OR3A2: variants seen among roughly 807,000 people sequenced by gnomAD.
OR3A2 encodes olfactory receptor 3A2.
For missense variants in OR3A2, 318 were observed against 392.8 expected (o/e 0.81, Z 1.61); for synonymous variants, 126 against 159.3 (o/e 0.79, Z 1.57).
chr17:3,320,756 G>C (rs543102098), intron 3 of OR3A2, among the ~76,000 whole-genome samples: 15 of 152,024 alleles, frequency 9.9e-5, no homozygotes, highest in Admixed American at 2.0e-4. Flanking sequence ...TTTGGTACTA[G>C]TACCATGCTG....
chr17:3,329,079 T>A (rs2049204902), intron 3 of OR3A2, among the ~76,000 whole-genome samples: 1 of 151,492 alleles, frequency 6.6e-6, no homozygotes, highest in South Asian at 2.1e-4. Flanking sequence ...TCATGGTGGA[T>A]ATGCTTTTTG....
chr17:3,331,360 C>T (rs1238994066), intron 3 of OR3A2, among the ~76,000 whole-genome samples: 9 of 152,116 alleles, frequency 5.9e-5, no homozygotes, highest in East Asian at 3.9e-4. Flanking sequence ...ACCAATCCGA[C>T]GTAGATTTGG....
At position 3,347,693 on chromosome 17, in the gene OR3A2, C is replaced by T. The variant is rs368214839; in HGVS notation, c.-178-11567G>A. 2.8e-4 allele frequency among the ~76,000 whole-genome samples: 42 copies of T among 152,196 alleles called. 1 individual carries two copies. The East Asian group carries it at 3.7e-3, about 13-fold the overall frequency. ...AAGTCCTTGCTATTGTGAATAATGC[C>T]GCAATAAACATACGTGTGCATGTGT... is the stretch of plus-strand genomic sequence containing the variant. On this transcript the variant is annotated intron_variant, in intron 2 of 4. Transcript: ENST00000573491.
chr17:3,380,824 T>C (rs1453832568), intron 2 of OR3A2, among the ~76,000 whole-genome samples: 2 of 152,162 alleles, frequency 1.3e-5, no homozygotes, highest in Non-Finnish European at 2.9e-5. Flanking sequence ...TTTCCCTGTT[T>C]ACCACTGCCC....
rs537384887 is a variant in OR3A2 at position 3,359,787 on chromosome 17, G to A, written c.-178-23661C>T. Reference sequence around the variant, plus strand: ...ATGGCTGCATAGTATTCCATGGTGTGTATGTGCCACATTTTCTTAATCCAG... The same window carrying A: ...ATGGCTGCATAGTATTCCATGGTGTATATGTGCCACATTTTCTTAATCCAG... On this transcript the variant is annotated intron_variant, in intron 2 of 4. Coordinates refer to the OR3A2 transcript ENST00000573491. 2.5e-3 allele frequency among the ~76,000 whole-genome samples: 380 copies of A among 151,638 alleles called. 16 individuals carry two copies. Among genetic ancestry groups the A allele is most frequent in the African/African-American group, 8.5e-3 (350 of 41,016 alleles).
chr17:3,358,730 G>A (rs2049483457), intron 2 of OR3A2, among the ~76,000 whole-genome samples: 1 of 151,688 alleles, frequency 6.6e-6, no homozygotes. Flanking sequence ...GTGCCATGTG[G>A]CAACAAGAAG....
intron 2 of OR3A2, among the ~76,000 whole-genome samples, chr17:3,342,004 T>C (rs2049323149): frequency 6.6e-6 from 1 of 152,238 alleles, no homozygotes; most frequent in Non-Finnish European, 1.5e-5. Flanking sequence ...CTTGCTTTAT[T>C]TCATTAATTT....
At chr17:3,354,807 A>T (rs2049451189) in intron 2 of OR3A2, among the ~76,000 whole-genome samples, 1 of 151,000 alleles carries the variant, frequency 6.6e-6, no homozygotes, top group African/African-American at 2.4e-5. Flanking sequence ...ATTTTGGGGT[A>T]GGTTTGCTCT....
intron 2 of OR3A2, among the ~76,000 whole-genome samples, chr17:3,365,952 G>A (rs1409857898): frequency 6.6e-6 from 1 of 152,166 alleles, no homozygotes; most frequent in East Asian, 1.9e-4. Flanking sequence ...AAGCCACAGA[G>A]GTTCTTGAGA....
intron 2 of OR3A2, among the ~76,000 whole-genome samples, chr17:3,372,725 GAGGCAGGAGAATC>G (rs2049641416): frequency 6.6e-6 from 1 of 151,936 alleles, no homozygotes; most frequent in South Asian, 2.1e-4. Context: ...TCGGCAGGCT[GAGGCAGGAGAATC>G]AGGCAGGGAG....
downstream of OR3A2, among the ~76,000 whole-genome samples, chr17:3,276,124 AAAG>A (rs756524549): frequency 5.8e-3 from 872 of 150,180 alleles, 7 homozygotes; most frequent in African/African-American, 0.02. Context: ...AAGAAAAAAA[AAAG>A]AATATTCATC....
rs1326706832 is a variant in OR3A2, at chr17:3,327,911, C to T, written c.-85+8122G>A. Among the ~76,000 whole-genome samples, 49 of 126,798 alleles carry T rather than the reference C, an allele frequency of 3.9e-4. 1 individual carries two copies. The highest frequency in any genetic ancestry group is 1.3e-3 in the African/African-American group (40 of 30,038). 83.2% of individuals were successfully genotyped at this position (126,798 alleles called of 152,430 possible). ...TGAGGGCTCTGTTCTGTTCCATTGA[C>T]CTATATCTCTGTTTTGGTACCAGTA... On this transcript the variant is annotated intron_variant, in intron 3 of 4. Transcript: ENST00000573491.
At chr17:3,361,238 T>G (rs916519170) in intron 2 of OR3A2, among the ~76,000 whole-genome samples, 1 of 149,748 alleles carries the variant, frequency 6.7e-6, no homozygotes, top group Non-Finnish European at 1.5e-5. Context: ...TGTATAAGAA[T>G]GCTTGTGATT....
intron 3 of OR3A2, chr17:3,310,620 C>T (rs1567550286): frequency 1.8e-6 from 1 of 540,780 alleles, no homozygotes; most frequent in Non-Finnish European, 3.8e-6. Flanking sequence ...CCTCTCCGAG[C>T]TCTTCTTCTT....
In OR3A2 at chr17:3,323,496, C is replaced by G. The variant is rs145976751; in HGVS notation, c.-85+12537G>C. Among the ~76,000 whole-genome samples, 126 of 152,116 alleles carry G rather than the reference C, an allele frequency of 8.3e-4. 1 individual carries two copies. The highest frequency in any genetic ancestry group is 2.0e-3 in the Admixed American group (31 of 15,260). On this transcript the variant is annotated intron_variant, in intron 3 of 4. Transcript: ENST00000573491. Reference sequence around the variant, plus strand: ...GGCACGTTTTTGCAGTGGCTGGTACCGGTTGTTCCTTTCCATGTTTAGCAC... The same window carrying G: ...GGCACGTTTTTGCAGTGGCTGGTACGGGTTGTTCCTTTCCATGTTTAGCAC...
intron 2 of OR3A2, among the ~76,000 whole-genome samples, chr17:3,375,683 T>C (rs2049677460): frequency 1.3e-5 from 2 of 152,196 alleles, no homozygotes; most frequent in Admixed American, 1.3e-4. Flanking sequence ...TGTTTTGCTA[T>C]ATTACCAGAA....
intron 2 of OR3A2, among the ~76,000 whole-genome samples, chr17:3,340,128 T>C (rs546743230): frequency 1.2e-4 from 18 of 152,318 alleles, no homozygotes; most frequent in Non-Finnish European, 2.5e-4. Flanking sequence ...ATCCCCTTTA[T>C]TATTTTTTAT....
chr17:3,341,003 C>T (rs60507806), intron 2 of OR3A2, among the ~76,000 whole-genome samples: 2,368 of 152,142 alleles, frequency 0.016, 66 homozygotes, highest in African/African-American at 0.053. Context: ...TGAATTGATC[C>T]CTTTACCATT....
chr17:3,361,298 C>G (rs1489809238), intron 2 of OR3A2, among the ~76,000 whole-genome samples: 1 of 151,430 alleles, frequency 6.6e-6, no homozygotes, highest in East Asian at 1.9e-4. Flanking sequence ...TGCTTATCAG[C>G]TTAAGGAGAT....
Sources: gnomAD v4.1 joint callset for allele counts (sites outside exome capture counted in the v4.1 genomes callset) on GRCh38, gnomAD v4.1.1 for gene constraint, MANE v1.5 for transcripts, NCBI Gene and HGNC (gene_info 2026-07-23, HGNC 2026-07-21) for gene names.